EDIL3: variants seen among roughly 807,000 people sequenced by gnomAD.
EDIL3 encodes EGF-like repeat and discoidin I-like domain-containing protein 3.
In EDIL3, 37 loss-of-function variants were observed where a neutral mutation model predicts 67.4. The observed-to-expected ratio is 0.55, with a 90% CI of 0.42 to 0.72. The LOEUF (loss-of-function observed/expected upper bound fraction) is 0.72. Ranked by LOEUF, EDIL3 falls within the 30% of genes least tolerant of loss-of-function variation. The probability of loss-of-function intolerance (pLI) is 0.00; values close to 1 mark genes in which losing one functional copy is unlikely to be tolerated. For synonymous variants in EDIL3, 195 were observed against 196.3 expected (o/e 0.99, Z 0.05); for missense variants, 527 against 586.3 (o/e 0.90, Z 1.04).
At chr5:84,223,499 T>C (rs1335451723) in intron 3 of EDIL3, among the ~76,000 whole-genome samples, 1 of 151,704 alleles carries the variant, frequency 6.6e-6, no homozygotes, top group African/African-American at 2.4e-5. Context: ...GGAGGAATTA[T>C]GCAAAGTTTA....
intron 3 of EDIL3, among the ~76,000 whole-genome samples, chr5:84,216,261 G>C (rs1214480801): frequency 1.3e-5 from 2 of 152,148 alleles, no homozygotes; most frequent in African/African-American, 4.8e-5. Context: ...GGCAGTCAGG[G>C]AGATTTTCAT....
chr5:83,971,367 C>G (rs539505305), intron 9 of EDIL3, among the ~76,000 whole-genome samples: 1 of 151,416 alleles, frequency 6.6e-6, no homozygotes, highest in Admixed American at 6.6e-5. Flanking sequence ...GCCTCAAACT[C>G]CTAGGCTCAA....
chr5:84,111,780 C>T (rs1279521757), intron 5 of EDIL3, among the ~76,000 whole-genome samples: 1 of 152,106 alleles, frequency 6.6e-6, no homozygotes, highest in Non-Finnish European at 1.5e-5. Flanking sequence ...GCTATGTTTA[C>T]AGTACTGGTT....
chr5:84,337,347 T>C (rs553408470), intron 1 of EDIL3, among the ~76,000 whole-genome samples: 1 of 152,212 alleles, frequency 6.6e-6, no homozygotes, highest in South Asian at 2.1e-4. Context: ...ATGAAAACTG[T>C]CCCAAAATGG....
intron 9 of EDIL3, among the ~76,000 whole-genome samples, chr5:83,992,657 TGA>T (rs1561396374): frequency 3.3e-5 from 5 of 152,148 alleles, no homozygotes; most frequent in Admixed American, 3.3e-4. Context: ...GTGAAAACAC[TGA>T]GATATTTACA....
At chr5:84,140,434 T>C (rs1748168944) in intron 4 of EDIL3, among the ~76,000 whole-genome samples, 1 of 152,216 alleles carries the variant, frequency 6.6e-6, no homozygotes, top group African/African-American at 2.4e-5. Flanking sequence ...ACACCGTAAG[T>C]AGTAATTAAA....
intron 5 of EDIL3, among the ~76,000 whole-genome samples, chr5:84,110,329 C>T (rs1175831087): frequency 6.6e-6 from 1 of 152,154 alleles, no homozygotes; most frequent in Non-Finnish European, 1.5e-5. Context: ...TTTGCCTGTG[C>T]TATCCACTTC....
intron 6 of EDIL3, among the ~76,000 whole-genome samples, chr5:84,085,619 T>C (rs1747055820): frequency 6.6e-6 from 1 of 152,166 alleles, no homozygotes; most frequent in Non-Finnish European, 1.5e-5. Context: ...TGTCGACCCC[T>C]GTTGGGAGGT....
intron 9 of EDIL3, among the ~76,000 whole-genome samples, chr5:84,026,684 G>T (rs963109543): frequency 2.2e-4 from 34 of 152,002 alleles, no homozygotes; most frequent in African/African-American, 6.8e-4. Context: ...ATTTCCAACT[G>T]TAATTTTCAC....
chr5:84,230,497 T>C (rs1327833354), intron 2 of EDIL3, among the ~76,000 whole-genome samples: 4 of 151,648 alleles, frequency 2.6e-5, no homozygotes, highest in Admixed American at 1.3e-4. Flanking sequence ...AACCTCCGCC[T>C]CCTGGGTTCA....
chr5:84,125,868 T>C (rs1164173677), intron 5 of EDIL3, among the ~76,000 whole-genome samples: 3 of 146,238 alleles, frequency 2.1e-5, no homozygotes, highest in Admixed American at 2.0e-4. Context: ...AAAGGTTCGG[T>C]TGAATATGCT....
At chr5:84,334,303 A>T (rs145191084) in intron 1 of EDIL3, among the ~76,000 whole-genome samples, 275 of 152,138 alleles carry the variant, frequency 1.8e-3, no homozygotes, top group African/African-American at 6.1e-3. Context: ...ACCTCAGGTG[A>T]TCCACCCACC....
chr5:83,990,589 A>G (rs991563459), intron 9 of EDIL3, among the ~76,000 whole-genome samples: 18 of 151,690 alleles, frequency 1.2e-4, no homozygotes, highest in African/African-American at 4.4e-4. Context: ...AGAGGTAAAG[A>G]AAATGGGTTG....
At chr5:84,123,350 T>C (rs369551480) in intron 5 of EDIL3, among the ~76,000 whole-genome samples, 81 of 152,136 alleles carry the variant, frequency 5.3e-4, no homozygotes, top group African/African-American at 1.9e-3. Context: ...TGGTTAAATT[T>C]GTTTCTAATA....
At chr5:84,050,707 C>T (rs762077564) in intron 9 of EDIL3, among the ~76,000 whole-genome samples, 52 of 152,302 alleles carry the variant, frequency 3.4e-4, no homozygotes, top group African/African-American at 9.6e-4. Flanking sequence ...CACAGAGCCT[C>T]GCTCATTGCT....
At chr5:84,286,604 T>G (rs2112113311) in intron 1 of EDIL3, among the ~76,000 whole-genome samples, 1 of 152,282 alleles carries the variant, frequency 6.6e-6, no homozygotes, top group Non-Finnish European at 1.5e-5. Context: ...CATTACATAT[T>G]TAGTTGGAGT....
In EDIL3 at chr5:83,966,085, C is replaced by T. The variant is rs192949583; in HGVS notation, c.1138-2725G>A. Among the ~76,000 whole-genome samples, 244 of 152,152 alleles carry T rather than the reference C, an allele frequency of 1.6e-3. 1 individual carries two copies. The highest frequency in any genetic ancestry group is 5.6e-3 in the African/African-American group (232 of 41,540). On this transcript the variant is annotated intron_variant, in intron 9 of 10. Transcript: ENST00000296591. ...CTAATTCTTGACCCTGGTCTAGGAC[C>T]GCTCTGCCCTCTTGAAGATCTTCAG...
At chr5:84,107,303 C>A (rs950976830) in intron 5 of EDIL3, among the ~76,000 whole-genome samples, 1 of 151,916 alleles carries the variant, frequency 6.6e-6, no homozygotes, top group African/African-American at 2.4e-5. Flanking sequence ...CTACTATAAA[C>A]TTTATAACTT....
chr5:84,240,563 C>T (rs1433938987), intron 2 of EDIL3, among the ~76,000 whole-genome samples: 2 of 152,100 alleles, frequency 1.3e-5, no homozygotes, highest in Non-Finnish European at 2.9e-5. Flanking sequence ...CTCATAGGAG[C>T]AGGAACCCTA....
Sources: gnomAD v4.1 joint callset for allele counts (sites outside exome capture counted in the v4.1 genomes callset) on GRCh38, gnomAD v4.1.1 for gene constraint, MANE v1.5 for transcripts, NCBI Gene and HGNC (gene_info 2026-07-23, HGNC 2026-07-21) for gene names.